PHEX: variants seen among roughly 807,000 people sequenced by gnomAD.
PHEX encodes phosphate-regulating neutral endopeptidase PHEX.
Under a neutral mutation model 68.0 loss-of-function variants are expected in PHEX, and 16 were observed. The ratio of observed to expected loss-of-function variants is 0.24; its 90% CI spans 0.16 to 0.36. The LOEUF (loss-of-function observed/expected upper bound fraction) is 0.36, where lower values mean the gene tolerates loss of function less well. Among genes scored for constraint, PHEX ranks in the 10% least tolerant of loss-of-function variants. The pLI is 1.00. For synonymous variants in PHEX, 208 were observed against 205.1 expected (o/e 1.01, Z -0.12); for missense variants, 480 against 575.5 (o/e 0.83, Z 1.70).
At chrX:22,082,208 A>G (rs1247660661) in intron 5 of PHEX, among the ~76,000 whole-genome samples, 3 of 112,272 alleles carry the variant, frequency 2.7e-5, no homozygotes, top group African/African-American at 9.7e-5. Context: ...AAATCATGGT[A>G]ACTGGGATAT....
intron 16 of PHEX, among the ~76,000 whole-genome samples, chrX:22,217,772 G>C (rs750572015): frequency 7.2e-5 from 8 of 111,873 alleles, no homozygotes; most frequent in Non-Finnish European, 1.3e-4. Context: ...ACAAGGCATA[G>C]AGGATGTAGC....
chrX:22,242,757 C>T (rs1427317866), intron 20 of PHEX, among the ~76,000 whole-genome samples: 1 of 111,412 alleles, frequency 9.0e-6, no homozygotes, highest in Non-Finnish European at 1.9e-5. Flanking sequence ...AACTACAAAC[C>T]ACTGCTCAAC....
chrX:22,168,967 T>C (rs898285907), intron 13 of PHEX, among the ~76,000 whole-genome samples: 2 of 111,937 alleles, frequency 1.8e-5, no homozygotes, highest in African/African-American at 6.5e-5. Flanking sequence ...GGTGTATTAA[T>C]TACAGGCCTT....
intron 10 of PHEX, 31 bp downstream of exon 10, chrX:22,111,591 G>T: frequency 1.0e-6 from 1 of 1,000,521 alleles, no homozygotes; most frequent in Non-Finnish European, 1.4e-6. Flanking sequence ...GTGTTACATC[G>T]CTGGATAACT....
chrX:22,119,009 C>T (rs1465088102), intron 11 of PHEX, among the ~76,000 whole-genome samples: 1 of 112,256 alleles, frequency 8.9e-6, no homozygotes, highest in African/African-American at 3.2e-5. Context: ...GCAAGTGTTG[C>T]TTTGTCTTTG....
chrX:22,147,600 T>A (rs959934684), intron 12 of PHEX, among the ~76,000 whole-genome samples: 1 of 110,022 alleles, frequency 9.1e-6, no homozygotes, highest in African/African-American at 3.3e-5. Flanking sequence ...GCAGAGGGCA[T>A]GACAGCAAAT....
chrX:22,170,867 T>A (rs1381692939), intron 13 of PHEX, among the ~76,000 whole-genome samples: 1 of 112,513 alleles, frequency 8.9e-6, no homozygotes, highest in Non-Finnish European at 1.9e-5. Flanking sequence ...CAGGATGCCA[T>A]GTTGGCTGTG....
At position 22,249,410 on chromosome X, in the gene PHEX, C is replaced by T. The variant is rs1468732632; in HGVS notation, c.*1457C>T. The T allele has an allele frequency of 1.1e-5, 1 of 87,440 alleles. No individual in the cohort carries two copies. Among genetic ancestry groups the T allele is most frequent in the African/African-American group, 4.6e-5 (1 of 21,565 alleles). The allele number at this position is 87,440 out of a possible 1,213,427, so 7.2% of individuals were successfully genotyped here. On this transcript the variant is annotated 3_prime_UTR_variant, in exon 22 of 22. Transcript: ENST00000379374. ...ACAAATTCAGATTAACCACAGGAAGCCATTGTGTGTCCCTGTGATTTGTGA... is the reference window on the plus strand; with the variant it reads ...ACAAATTCAGATTAACCACAGGAAGTCATTGTGTGTCCCTGTGATTTGTGA...
At chrX:22,145,047 A>G (rs111690197) in intron 12 of PHEX, among the ~76,000 whole-genome samples, 1,126 of 112,120 alleles carry the variant, frequency 0.01, 8 homozygotes, top group Non-Finnish European at 0.016. Context: ...AGAAGACTTC[A>G]TAGGCAGTGC....
chrX:22,106,296 G>A (rs748441619), intron 9 of PHEX, among the ~76,000 whole-genome samples: 11 of 111,566 alleles, frequency 9.9e-5, no homozygotes, highest in South Asian at 3.8e-4. Context: ...CCATTGTCTC[G>A]CTGTGTGAAC....
intron 16 of PHEX, among the ~76,000 whole-genome samples, chrX:22,217,135 G>T: frequency 8.9e-6 from 1 of 111,790 alleles, no homozygotes; most frequent in Non-Finnish European, 1.9e-5. Context: ...ACTGAGGGAT[G>T]TAGAGGACCA....
chrX:22,082,110 G>T (rs745745606), intron 5 of PHEX, among the ~76,000 whole-genome samples: 4 of 112,020 alleles, frequency 3.6e-5, no homozygotes, highest in South Asian at 3.7e-4. Flanking sequence ...ACAGAACATA[G>T]AATTTTATTT....
At chrX:22,109,000 A>ATTATCTAGT (rs1230616688) in intron 9 of PHEX, among the ~76,000 whole-genome samples, 2 of 110,842 alleles carry the variant, frequency 1.8e-5, no homozygotes, top group Non-Finnish European at 3.8e-5. Flanking sequence ...TATGAATTTT[A>ATTATCTAGT]TTATCTAGTT....
intron 12 of PHEX, among the ~76,000 whole-genome samples, chrX:22,150,042 A>G (rs749791022): frequency 5.4e-5 from 6 of 111,878 alleles, no homozygotes; most frequent in Non-Finnish European, 9.4e-5. Context: ...GAATGAGAAC[A>G]TAGTGGGATG....
intron 12 of PHEX, among the ~76,000 whole-genome samples, chrX:22,167,264 G>A (rs1004673772): frequency 4.5e-5 from 5 of 110,824 alleles, no homozygotes; most frequent in African/African-American, 1.6e-4. Flanking sequence ...GCCACCAACA[G>A]TGCTCAAGAG....
chrX:22,039,766 G>A (rs1479780484), intron 2 of PHEX, among the ~76,000 whole-genome samples: 1 of 111,652 alleles, frequency 9.0e-6, no homozygotes, highest in African/African-American at 3.3e-5. Context: ...TAAGCCTGCT[G>A]GGAAAAACCA....
At chrX:22,229,674 C>T (rs1041238895) in intron 20 of PHEX, among the ~76,000 whole-genome samples, 5 of 112,051 alleles carry the variant, frequency 4.5e-5, no homozygotes, top group African/African-American at 9.7e-5. Context: ...CAAAAATTTT[C>T]TCCCATTCTT....
intron 13 of PHEX, chrX:22,171,600 C>T (rs2269472): frequency 9.2e-6 from 1 of 108,540 alleles, no homozygotes; most frequent in Non-Finnish European, 1.9e-5. Flanking sequence ...ACACAGGAGT[C>T]GCAGCTGTGT....
intron 12 of PHEX, among the ~76,000 whole-genome samples, chrX:22,138,935 C>T (rs1007597487): frequency 1.8e-5 from 2 of 111,522 alleles, no homozygotes; most frequent in Non-Finnish European, 3.8e-5. Context: ...CTCTCTCACA[C>T]ACATGCAGGC....
Sources: allele counts gnomAD v4.1 joint callset (sites outside exome capture counted in the v4.1 genomes callset), GRCh38; gene constraint gnomAD v4.1.1; transcripts MANE v1.5; gene names NCBI Gene and HGNC (gene_info 2026-07-23, HGNC 2026-07-21).